Variants in PALLD observed in about 807,000 individuals in gnomAD.
The protein encoded by PALLD is palladin.
A neutral mutation model predicts 123.5 loss-of-function variants in PALLD; 61 were observed. That is an observed-to-expected ratio of 0.49 (90% confidence interval 0.40 to 0.61). PALLD has a LOEUF of 0.61. Among genes scored for constraint, PALLD ranks in the 20% least tolerant of loss-of-function variants. The pLI is 0.00. For synonymous variants in PALLD, 465 were observed against 496.4 expected (o/e 0.94, Z 0.84); for missense variants, 1,273 against 1,377.0 (o/e 0.92, Z 1.20).
chr4:168,606,557 C>A (rs1773193910), intron 2 of PALLD, among the ~76,000 whole-genome samples: 1 of 151,760 alleles, frequency 6.6e-6, no homozygotes, highest in South Asian at 2.1e-4. Context: ...ACCTGTAATC[C>A]CAGCTACTCG....
chr4:168,791,132 G>A (rs1235839847), intron 10 of PALLD, among the ~76,000 whole-genome samples: 2 of 152,168 alleles, frequency 1.3e-5, no homozygotes, highest in Non-Finnish European at 2.9e-5. Context: ...AGGAGGAAGT[G>A]TGTTTGCAGC....
At chr4:168,687,578 G>A (rs1277363391) in intron 6 of PALLD, among the ~76,000 whole-genome samples, 1 of 152,202 alleles carries the variant, frequency 6.6e-6, no homozygotes, top group Non-Finnish European at 1.5e-5. Context: ...AGTCCATGCT[G>A]GTGGCACAAG....
intron 2 of PALLD, among the ~76,000 whole-genome samples, chr4:168,512,899 C>A (rs968825042): frequency 2.6e-5 from 4 of 151,978 alleles, no homozygotes; most frequent in Non-Finnish European, 5.9e-5. Context: ...AACACCGAGG[C>A]CTACTTGAGG....
intron 2 of PALLD, among the ~76,000 whole-genome samples, chr4:168,584,215 GTTT>G (rs10654362): frequency 5.4e-5 from 8 of 148,022 alleles, no homozygotes; most frequent in African/African-American, 2.0e-4. Flanking sequence ...AGACCATCAG[GTTT>G]TTTTTTTTTT....
chr4:168,681,452 G>A, intron 4 of PALLD, 54 bp downstream of exon 4: 1 of 1,154,538 alleles, frequency 8.7e-7, no homozygotes, highest in Non-Finnish European at 1.3e-6. Context: ...GCAACAGAAT[G>A]GTTGGGGTAT....
intron 2 of PALLD, among the ~76,000 whole-genome samples, chr4:168,518,835 T>C (rs1040274963): frequency 6.6e-6 from 1 of 152,234 alleles, no homozygotes; most frequent in African/African-American, 2.4e-5. Context: ...TTTATCTGTT[T>C]TACTCACTTT....
At chr4:168,600,100 T>A (rs575577911) in intron 2 of PALLD, among the ~76,000 whole-genome samples, 1,575 of 103,770 alleles carry the variant, frequency 0.015, 46 homozygotes, top group African/African-American at 0.048. Flanking sequence ...TGCATGTGTA[T>A]GCACACATAT....
chr4:168,504,086 T>C (rs1005419620), intron 1 of PALLD, among the ~76,000 whole-genome samples: 4 of 152,174 alleles, frequency 2.6e-5, no homozygotes, highest in African/African-American at 9.7e-5. Flanking sequence ...GTAAGATCAT[T>C]TAAGGAGAAT....
chr4:168,842,848 A>G (rs973385606), intron 10 of PALLD, among the ~76,000 whole-genome samples: 1 of 152,240 alleles, frequency 6.6e-6, no homozygotes, highest in Admixed American at 6.5e-5. Flanking sequence ...GGAGAAATAA[A>G]AAGATGAATC....
intron 2 of PALLD, among the ~76,000 whole-genome samples, chr4:168,667,763 CATG>C (rs552006741): frequency 1.6e-3 from 247 of 152,294 alleles, no homozygotes; most frequent in Middle Eastern, 3.4e-3. Context: ...GATTTTTTAA[CATG>C]ATGATAAGTT....
intron 2 of PALLD, chr4:168,598,622 A>T: frequency 3.1e-6 from 1 of 327,374 alleles, no homozygotes; most frequent in South Asian, 2.8e-5. Context: ...AATACCAGCT[A>T]TATTATTCAC....
intron 10 of PALLD, among the ~76,000 whole-genome samples, chr4:168,758,901 A>G (rs373089122): frequency 2.0e-5 from 3 of 151,866 alleles, no homozygotes; most frequent in East Asian, 3.9e-4. Context: ...AAGGCTGGGC[A>G]TGGTGGCTCA....
chr4:168,559,620 G>C (rs552837835), intron 2 of PALLD, among the ~76,000 whole-genome samples: 14 of 152,228 alleles, frequency 9.2e-5, no homozygotes, highest in African/African-American at 2.4e-4. Context: ...ACATAGGCTG[G>C]GTGTGGTGGC....
chr4:168,650,920 ATAT>A (rs1409562414), intron 2 of PALLD, among the ~76,000 whole-genome samples: 4 of 152,062 alleles, frequency 2.6e-5, no homozygotes, highest in Non-Finnish European at 5.9e-5. Context: ...CAATCTGATG[ATAT>A]TATTTGCTAA....
At chr4:168,718,624 TCTCGGA>T (rs1310985944) in intron 10 of PALLD, among the ~76,000 whole-genome samples, 3 of 152,222 alleles carry the variant, frequency 2.0e-5, no homozygotes, top group African/African-American at 7.2e-5. Context: ...AAAGTCTGCC[TCTCGGA>T]CTCAGTAACC....
chr4:168,907,636 C>T (rs1348266738), intron 15 of PALLD, among the ~76,000 whole-genome samples: 4 of 152,142 alleles, frequency 2.6e-5, no homozygotes, highest in African/African-American at 7.2e-5. Flanking sequence ...TGGTTACTGC[C>T]CTTATTCCAG....
intron 10 of PALLD, among the ~76,000 whole-genome samples, chr4:168,746,818 CA>C (rs2150368047): frequency 6.6e-6 from 1 of 152,192 alleles, no homozygotes; most frequent in African/African-American, 2.4e-5. Flanking sequence ...GGGAAGTTAT[CA>C]AAAGGGGTTG....
intron 10 of PALLD, among the ~76,000 whole-genome samples, chr4:168,788,388 G>A (rs969252457): frequency 2.0e-5 from 3 of 152,176 alleles, no homozygotes; most frequent in Non-Finnish European, 2.9e-5. Flanking sequence ...GCTGCATGCT[G>A]TATAATTCTA....
chr4:168,512,157 C>G lies in PALLD; in HGVS notation c.653C>G (p.Ser218Ter). 1 of 1,614,210 alleles carries G rather than the reference C, an allele frequency of 6.2e-7. No individual in the cohort carries two copies. Among genetic ancestry groups the G allele is most frequent in the Non-Finnish European group, 8.5e-7 (1 of 1,180,030 alleles). ...CAGCCGTCAGCCCTGCTGAGTGCCT[C>G]AGCCAGCCAGAGCCCTATGGAAGAC... ...KNQPSALLSA[S>*]ASQSPMEDQG... is the part of the protein sequence containing the mutation. Residue 218 changes from serine (S) to a stop codon, truncating the protein, a stop_gained, in exon 2 of 22, where the codon TCA (serine) becomes TGA (stop). Transcript: ENST00000505667. LOFTEE classifies it high-confidence loss of function.
Sources: allele counts gnomAD v4.1 joint callset (sites outside exome capture counted in the v4.1 genomes callset), GRCh38; gene constraint gnomAD v4.1.1; transcripts MANE v1.5; gene names NCBI Gene and HGNC (gene_info 2026-07-23, HGNC 2026-07-21).